AGBL4: variants seen among roughly 807,000 people sequenced by gnomAD.
AGBL4 encodes the protein cytosolic carboxypeptidase 6.
Under a neutral mutation model 66.4 loss-of-function variants are expected in AGBL4, and 58 were observed. That is an observed-to-expected ratio of 0.87 (90% CI 0.71 to 1.09). The LOEUF is 1.09. Among genes scored for constraint, AGBL4 ranks in the 50% least tolerant of loss-of-function variants. AGBL4 has a pLI of 0.00. For missense variants in AGBL4, 579 were observed against 631.0 expected, an observed-to-expected ratio of 0.92 and a Z score of 0.88; for synonymous variants, 234 against 222.9, an observed-to-expected ratio of 1.05 and a Z score of -0.44.
At position 49,366,396 on chromosome 1, in the gene AGBL4, T is replaced by C. The variant is rs921045794; in HGVS notation, c.283-120532A>G. Among the ~76,000 whole-genome samples the C allele has an allele frequency of 5.3e-5, 8 of 152,132 alleles. No individual in the cohort carries two copies. The East Asian group carries it at 7.7e-4, about 15-fold the overall frequency. On this transcript the variant is annotated intron_variant, in intron 3 of 13. Coordinates refer to ENST00000371839, the MANE Select transcript of AGBL4 (RefSeq NM_032785.4). ...GTGGCTATTTAAAATGAGATGTCTA[T>C]AAGAAGGAGAAAAAAAATCATCCCT...
At chr1:49,902,233 T>C (rs1571837178) in intron 1 of AGBL4, among the ~76,000 whole-genome samples, 1 of 152,010 alleles carries the variant, frequency 6.6e-6, no homozygotes, top group East Asian at 1.9e-4. Flanking sequence ...AAAGAAACTA[T>C]CAACAATCAG....
chr1:49,798,059 T>G (rs1644774016), intron 2 of AGBL4, among the ~76,000 whole-genome samples: 1 of 152,124 alleles, frequency 6.6e-6, no homozygotes, highest in African/African-American at 2.4e-5. Context: ...CAATTATCAT[T>G]TTTAAAAGTA....
intron 4 of AGBL4, among the ~76,000 whole-genome samples, chr1:49,138,358 T>C (rs1264316375): frequency 3.3e-5 from 5 of 152,272 alleles, no homozygotes; most frequent in African/African-American, 9.6e-5. Context: ...TGGTCAATAG[T>C]ACCACAACAA....
intron 2 of AGBL4, among the ~76,000 whole-genome samples, chr1:49,804,313 G>A (rs1644929274): frequency 6.6e-6 from 1 of 152,060 alleles, no homozygotes; most frequent in Non-Finnish European, 1.5e-5. Context: ...GCTATCATTA[G>A]TCTTAGTGTA....
chr1:48,609,062 C>A (rs1645196907), intron 9 of AGBL4, among the ~76,000 whole-genome samples: 1 of 151,992 alleles, frequency 6.6e-6, no homozygotes, highest in Non-Finnish European at 1.5e-5. Flanking sequence ...ATAAATAGGC[C>A]AGATAGAGGC....
chr1:48,858,930 A>G (rs1381165935), intron 6 of AGBL4, among the ~76,000 whole-genome samples: 1 of 152,184 alleles, frequency 6.6e-6, no homozygotes, highest in East Asian at 1.9e-4. Context: ...AAAGTATATT[A>G]GTCATTGAAA....
chr1:48,602,946 G>A (rs1029882086), intron 9 of AGBL4, among the ~76,000 whole-genome samples: 2 of 152,196 alleles, frequency 1.3e-5, no homozygotes, highest in Non-Finnish European at 2.9e-5. Context: ...TTCAGGTGCT[G>A]TAAGAGACAT....
the AGBL4 span, among the ~76,000 whole-genome samples, chr1:48,527,252 C>G: frequency 6.6e-6 from 1 of 151,890 alleles, no homozygotes. Flanking sequence ...AACTTTGCCC[C>G]CAAAGACATT....
intron 2 of AGBL4, among the ~76,000 whole-genome samples, chr1:49,740,692 C>T (rs1046866655): frequency 2.6e-5 from 4 of 152,084 alleles, no homozygotes; most frequent in Middle Eastern, 3.4e-3. Flanking sequence ...GAAATTATAA[C>T]AAACTGTCTC....
chr1:49,546,274 T>C (rs1652475094), intron 3 of AGBL4, among the ~76,000 whole-genome samples: 2 of 151,572 alleles, frequency 1.3e-5, no homozygotes, highest in Admixed American at 6.6e-5. Context: ...TATATGTGTA[T>C]ATATATTCCA....
chr1:49,023,189 G>A (rs1241935472), intron 5 of AGBL4, among the ~76,000 whole-genome samples: 2 of 152,144 alleles, frequency 1.3e-5, no homozygotes, highest in African/African-American at 4.8e-5. Context: ...TTGGGAGCAG[G>A]AAGGTATGCT....
At chr1:49,637,105 A>G (rs145322885) in intron 3 of AGBL4, among the ~76,000 whole-genome samples, 38 of 152,202 alleles carry the variant, frequency 2.5e-4, no homozygotes, top group African/African-American at 1.4e-4. Context: ...CTGGACTCCA[A>G]GTTCTTCAGT....
chr1:48,739,918 A>C (rs1649649289), intron 6 of AGBL4, among the ~76,000 whole-genome samples: 1 of 152,238 alleles, frequency 6.6e-6, no homozygotes, highest in South Asian at 2.1e-4. Flanking sequence ...TTTCTAGCTC[A>C]CTTAGAGCCT....
Position 49,522,690 on chromosome 1 carries a change from C to T in AGBL4, c.282+174623G>A, listed in dbSNP as rs377422800. 1.9e-3 allele frequency among the ~76,000 whole-genome samples: 291 copies of T among 152,198 alleles called. 3 individuals carry two copies. The highest frequency in any genetic ancestry group is 0.01 in the South Asian group (49 of 4,816). On this transcript the variant is annotated intron_variant, in intron 3 of 13. Transcript: ENST00000371839. ...ATCACAAATGGACCCTTTCACTTAG[C>T]TCCTGTAATTTCTTTCCTTAGAGCT...
intron 1 of AGBL4, among the ~76,000 whole-genome samples, chr1:49,959,858 G>C (rs951297619): frequency 6.6e-6 from 1 of 152,050 alleles, no homozygotes; most frequent in African/African-American, 2.4e-5. Context: ...GCTATAAAAA[G>C]AATGAGATCA....
intron 3 of AGBL4, among the ~76,000 whole-genome samples, chr1:49,529,958 A>T (rs1045993673): frequency 6.6e-6 from 1 of 151,858 alleles, no homozygotes; most frequent in Non-Finnish European, 1.5e-5. Flanking sequence ...GGAAAAGGAG[A>T]TGGGAATGGA....
At chr1:49,657,864 G>A (rs1030193673) in intron 3 of AGBL4, among the ~76,000 whole-genome samples, 1 of 151,890 alleles carries the variant, frequency 6.6e-6, no homozygotes, top group African/African-American at 2.4e-5. Context: ...AATTCAAGAT[G>A]GATTAAAGAC....
chr1:49,444,737 A>T (rs1322699491), intron 3 of AGBL4, among the ~76,000 whole-genome samples: 3 of 151,950 alleles, frequency 2.0e-5, no homozygotes, highest in Non-Finnish European at 2.9e-5. Context: ...CAGCAATTCT[A>T]TACCTTTTAA....
Position 49,847,947 on chromosome 1 carries a change from C to T in AGBL4, c.157+3449G>A, listed in dbSNP as rs371140869. On this transcript the variant is annotated intron_variant, in intron 2 of 13. Transcript: ENST00000371839. ...CAATCTCCTGACCTCGTGATCCGCC[C>T]GCCTGGGCCTCCCAAATTGCTGGGA... Among the ~76,000 whole-genome samples, 6 of 152,316 alleles carry T rather than the reference C, an allele frequency of 3.9e-5. No homozygotes were observed. In the East Asian group the frequency reaches 5.8e-4, roughly 15 times the overall value.
Sources: gnomAD v4.1 joint callset for allele counts (sites outside exome capture counted in the v4.1 genomes callset) on GRCh38, gnomAD v4.1.1 for gene constraint, MANE v1.5 for transcripts, NCBI Gene and HGNC (gene_info 2026-07-23, HGNC 2026-07-21) for gene names.